The following EPB41L3 variants were observed in gnomAD, a reference collection of about 807,000 sequenced individuals.
The protein encoded by EPB41L3 is band 4.1-like protein 3.
A neutral mutation model predicts 127.1 loss-of-function variants in EPB41L3; 57 were observed. The observed-to-expected ratio is 0.45, with a 90% CI of 0.36 to 0.56. The LOEUF is 0.56. EPB41L3 is among the 20% of genes least tolerant of loss of function. The pLI, the probability that EPB41L3 is intolerant of heterozygous loss-of-function variation, is 0.00. For missense variants in EPB41L3, 1,273 were observed against 1,372.2 expected, an observed-to-expected ratio of 0.93 and a Z score of 1.14; for synonymous variants, 572 against 549.5, an observed-to-expected ratio of 1.04 and a Z score of -0.57.
At chr18:5,408,957 G>T (rs564840645) in intron 14 of EPB41L3, among the ~76,000 whole-genome samples, 2 of 152,206 alleles carry the variant, frequency 1.3e-5, no homozygotes, top group Non-Finnish European at 2.9e-5. Flanking sequence ...GAAATTCTAG[G>T]TGAGAAAAGG....
intron 1 of EPB41L3, among the ~76,000 whole-genome samples, chr18:5,525,654 T>G (rs2093193716): frequency 6.6e-6 from 1 of 152,200 alleles, no homozygotes. Context: ...ATATGATTAT[T>G]ATAGACATAT....
At chr18:5,524,638 C>T (rs1413926221) in intron 1 of EPB41L3, among the ~76,000 whole-genome samples, 1 of 152,190 alleles carries the variant, frequency 6.6e-6, no homozygotes, top group African/African-American at 2.4e-5. Context: ...TTCGCTAAAA[C>T]GTAATTCAAT....
At position 5,395,133 on chromosome 18, in the gene EPB41L3, G is replaced by GCC; in HGVS notation, c.3085_3086dup (p.Ile1030AlafsTer11). On this transcript the variant is annotated frameshift_variant, in exon 21 of 23. Transcript: ENST00000341928. LOFTEE classifies it high-confidence loss of function. Reference sequence around the variant, plus strand: ...GCTTCTCAATTCTTGTCTCTGAAATGCCCCCTTTCACAGTCTGCAAGACAC... The same window carrying GCC: ...GCTTCTCAATTCTTGTCTCTGAAATGCCCCCCCTTTCACAGTCTGCAAGACAC... 6.2e-7 allele frequency: 1 copy of GCC among 1,613,998 alleles called. No individual in the cohort carries two copies. Among genetic ancestry groups the GCC allele is most frequent in the Non-Finnish European group, 8.5e-7 (1 of 1,179,910 alleles).
At chr18:5,470,069 T>C (rs117953201) in intron 3 of EPB41L3, among the ~76,000 whole-genome samples, 4,108 of 152,282 alleles carry the variant, frequency 0.027, 83 homozygotes, top group Middle Eastern at 0.071. Context: ...TGAGCCACCG[T>C]GTCTGGCTGA....
intron 3 of EPB41L3, among the ~76,000 whole-genome samples, chr18:5,451,364 T>TC (rs2082258769): frequency 6.6e-6 from 1 of 152,234 alleles, no homozygotes; most frequent in Non-Finnish European, 1.5e-5. Context: ...GCTCTCAATG[T>TC]CCCACATGTT....
intron 1 of EPB41L3, chr18:5,540,556 C>T (rs2093689782): frequency 1.0e-6 from 1 of 985,374 alleles, no homozygotes; most frequent in African/African-American, 1.7e-5. Flanking sequence ...AATCAAATAA[C>T]AGCAGAACCC....
At chr18:5,490,639 A>G (rs1321483459) in intron 1 of EPB41L3, among the ~76,000 whole-genome samples, 1 of 152,208 alleles carries the variant, frequency 6.6e-6, no homozygotes, top group East Asian at 1.9e-4. Flanking sequence ...TGCAAATAAA[A>G]TGAACAGACT....
chr18:5,488,930 G>A (rs2090232591), intron 2 of EPB41L3, 71 bp downstream of exon 2: 1 of 1,480,956 alleles, frequency 6.8e-7, no homozygotes, highest in Non-Finnish European at 8.9e-7. Flanking sequence ...AGGGCTAAGA[G>A]ACCAAGGTTA....
intron 1 of EPB41L3, among the ~76,000 whole-genome samples, chr18:5,532,197 G>A (rs1288984118): frequency 6.6e-6 from 1 of 152,158 alleles, no homozygotes; most frequent in Non-Finnish European, 1.5e-5. Context: ...CATTCCACAT[G>A]CCAAGTCTCT....
At chr18:5,601,598 T>C (rs554895980) in intron 3 of EPB41L3, among the ~76,000 whole-genome samples, 1 of 152,250 alleles carries the variant, frequency 6.6e-6, no homozygotes, top group East Asian at 1.9e-4. Context: ...AGAGTAACCT[T>C]TGAACAAGTA....
chr18:5,597,333 T>C (rs1484507834), intron 3 of EPB41L3, among the ~76,000 whole-genome samples: 2 of 152,200 alleles, frequency 1.3e-5, no homozygotes, highest in Admixed American at 1.3e-4. Context: ...TGATATGACT[T>C]GGCTTCAGGA....
At chr18:5,624,180 T>C (rs1453878540) in intron 1 of EPB41L3, among the ~76,000 whole-genome samples, 1 of 152,182 alleles carries the variant, frequency 6.6e-6, no homozygotes, top group Non-Finnish European at 1.5e-5. Context: ...TTTTTAATTT[T>C]TTGTGGAGAC....
intron 3 of EPB41L3, among the ~76,000 whole-genome samples, chr18:5,458,804 A>G (rs1204948288): frequency 1.3e-5 from 2 of 152,214 alleles, no homozygotes; most frequent in African/African-American, 4.8e-5. Context: ...AAATGAACTA[A>G]TTGACATAAC....
At chr18:5,507,541 A>T (rs1028686087) in intron 1 of EPB41L3, among the ~76,000 whole-genome samples, 2 of 152,242 alleles carry the variant, frequency 1.3e-5, no homozygotes, top group Non-Finnish European at 2.9e-5. Flanking sequence ...TGAGTAAGTT[A>T]CGTAAACTCT....
intron 3 of EPB41L3, among the ~76,000 whole-genome samples, chr18:5,457,433 G>C (rs762690884): frequency 6.6e-6 from 1 of 151,844 alleles, no homozygotes; most frequent in Non-Finnish European, 1.5e-5. Flanking sequence ...CTTTCATCTG[G>C]TGGAACAAGT....
chr18:5,602,788 G>A (rs1261971783), intron 3 of EPB41L3, among the ~76,000 whole-genome samples: 1 of 152,176 alleles, frequency 6.6e-6, no homozygotes, highest in Non-Finnish European at 1.5e-5. Context: ...TCCAGAAGAA[G>A]AGGATAGGTA....
chr18:5,393,377 C>T lies in EPB41L3; in HGVS notation c.*108G>A, dbSNP rs778578187. ...AATTCTTCTGGACTGAAATTTTCCA[C>T]GGACAGATACAAGTCAGTTGGGTTA... On this transcript the variant is annotated 3_prime_UTR_variant, in exon 23 of 23. Coordinates refer to ENST00000341928, the MANE Select transcript of EPB41L3 (RefSeq NM_012307.5). The T allele has an allele frequency of 3.2e-5, 20 of 617,760 alleles. No individual in the cohort carries two copies. The highest frequency in any genetic ancestry group is 4.4e-5 in the Non-Finnish European group (15 of 344,662). 38.3% of individuals were successfully genotyped at this position (617,760 alleles called of 1,614,324 possible).
Position 5,478,318 on chromosome 18 carries a change from T to G in EPB41L3, c.304A>C (p.Lys102Gln). 6.2e-7 allele frequency: 1 copy of G among 1,614,168 alleles called. No homozygotes were observed. The highest frequency in any genetic ancestry group is 1.1e-5 in the South Asian group (1 of 91,078). Residue 102 changes from lysine to glutamine, a missense_variant, in exon 3 of 23, where the codon AAG becomes CAG. Transcript: ENST00000341928. ...ATGCTTTTAGGCTTTTTGACAATCTTTAATGGAGACCGAGAGAGTTTACTG... is the reference window on the plus strand; with the variant it reads ...ATGCTTTTAGGCTTTTTGACAATCTGTAATGGAGACCGAGAGAGTTTACTG... ...SSSKLSRSPL[K>Q]IVKKPKSMQC...
At chr18:5,617,116 C>A (rs868664397) in intron 1 of EPB41L3, among the ~76,000 whole-genome samples, 4 of 152,208 alleles carry the variant, frequency 2.6e-5, no homozygotes, top group Middle Eastern at 3.4e-3. Context: ...TCATAAAATT[C>A]TCTTTCACCA....
Sources: allele counts gnomAD v4.1 joint callset (sites outside exome capture counted in the v4.1 genomes callset), GRCh38; gene constraint gnomAD v4.1.1; transcripts MANE v1.5; gene names NCBI Gene and HGNC (gene_info 2026-07-23, HGNC 2026-07-21).